WNT11: variants seen among roughly 807,000 people sequenced by gnomAD.
The protein encoded by WNT11 is Wnt family member 11.
Under a neutral mutation model 35.6 loss-of-function variants are expected in WNT11, and 20 were observed. The ratio of observed to expected loss-of-function variants is 0.56; its 90% confidence interval spans 0.40 to 0.82. The LOEUF (loss-of-function observed/expected upper bound fraction) is 0.82. WNT11 is among the 40% of genes least tolerant of loss of function. The probability of loss-of-function intolerance (pLI) is 0.00; values close to 1 mark genes in which losing one functional copy is unlikely to be tolerated. For synonymous variants in WNT11, 200 were observed against 211.9 expected (o/e 0.94, Z 0.49); for missense variants, 459 against 504.4 (o/e 0.91, Z 0.86).
Position 76,194,910 on chromosome 11 carries a change from T to C in WNT11, c.320-66A>G. 7.0e-7 allele frequency: 1 copy of C among 1,432,824 alleles called. No individual in the cohort carries two copies. Among genetic ancestry groups the C allele is most frequent in the East Asian group, 2.5e-5 (1 of 39,914 alleles). 88.8% of individuals were successfully genotyped at this position (1,432,824 alleles called of 1,614,324 possible). On this transcript the variant is annotated intron_variant, in intron 2 of 4. Transcript: ENST00000322563. The surrounding 1 kb of genome is among the most constrained non-coding windows in gnomAD (Gnocchi z 5.4). The stretch of plus-strand genomic sequence containing the variant: ...GCTAGGACCCTGCCCAGGTCAGAGG[T>C]CCTCCACCTTCGCCCACACCCTGCT...
chr11:76,190,006 G>A (rs1419122120), intron 4 of WNT11, among the ~76,000 whole-genome samples: 1 of 152,058 alleles, frequency 6.6e-6, no homozygotes, highest in African/African-American at 2.4e-5. Flanking sequence ...TCCTCATGAG[G>A]AGTGAGGGGC....
intron 1 of WNT11, among the ~76,000 whole-genome samples, chr11:76,202,808 G>C (rs1248820331): frequency 1.3e-5 from 2 of 152,200 alleles, no homozygotes; most frequent in African/African-American, 4.8e-5. Flanking sequence ...CCAGAGTGAA[G>C]AGGGACTAGT....
At chr11:76,192,036 G>C (rs12419707) in intron 3 of WNT11, among the ~76,000 whole-genome samples, 180 bp from the exon 4 acceptor site, 34,392 of 152,076 alleles carry the variant, frequency 0.23, 4,365 homozygotes, top group Admixed American at 0.32. Context: ...CTGCAACCGT[G>C]GGGGGCACAG....
At chr11:76,201,364 G>C (rs1484677228) in intron 1 of WNT11, among the ~76,000 whole-genome samples, 2 of 152,244 alleles carry the variant, frequency 1.3e-5, no homozygotes, top group African/African-American at 4.8e-5. Flanking sequence ...CCACTCCCGA[G>C]GAGGGCCATG....
intron 1 of WNT11, among the ~76,000 whole-genome samples, chr11:76,197,325 T>A (rs1015011878): frequency 1.3e-5 from 2 of 152,262 alleles, no homozygotes; most frequent in East Asian, 3.8e-4. Context: ...AGTTTTGTGA[T>A]GACCTGGAAC....
chr11:76,206,578 G>C (rs1953479212), upstream of WNT11: 14 of 1,196,128 alleles, frequency 1.2e-5, no homozygotes, highest in Non-Finnish European at 1.5e-5. Context: ...TACAAAGGAG[G>C]GGTCGGGGCC....
upstream of WNT11, chr11:76,210,353 G>A (rs1953548280): frequency 2.3e-6 from 2 of 870,112 alleles, no homozygotes; most frequent in African/African-American, 1.8e-5. Flanking sequence ...TTACCCGGGA[G>A]TGGGTGCCCA....
chr11:76,208,593 G>A (rs533653393), upstream of WNT11, among the ~76,000 whole-genome samples: 132 of 152,302 alleles, frequency 8.7e-4, 1 homozygote, highest in African/African-American at 3.0e-3. Context: ...GAAGGCACCC[G>A]GCATTCCTGG....
chr11:76,199,958 A>G (rs1318508764), intron 1 of WNT11, among the ~76,000 whole-genome samples: 2 of 152,162 alleles, frequency 1.3e-5, no homozygotes, highest in South Asian at 2.1e-4. Flanking sequence ...CTGGGCATCA[A>G]CTACAACGTG....
chr11:76,196,726 C>A lies in WNT11; in HGVS notation c.84-8G>T, dbSNP rs1305083550. ...GGTGTCTTGGACAGCGCCCTGCACA[C>A]CATGGAAAGGCCATGACCGATGGAA... On this transcript the variant is annotated splice_polypyrimidine_tract_variant and splice_region_variant and intron_variant, in intron 1 of 4. Coordinates refer to ENST00000322563, the MANE Select transcript of WNT11 (RefSeq NM_004626.3). The A allele has an allele frequency of 1.9e-6, 3 of 1,590,880 alleles. No individual in the cohort carries two copies. Among genetic ancestry groups the A allele is most frequent in the Non-Finnish European group, 1.7e-6 (2 of 1,167,622 alleles).
intron 3 of WNT11, among the ~76,000 whole-genome samples, chr11:76,192,690 A>C (rs969356404): frequency 6.6e-6 from 1 of 151,988 alleles, no homozygotes; most frequent in Non-Finnish European, 1.5e-5. Context: ...GCTTGGGGAG[A>C]CTCTTGCCCT....
intron 1 of WNT11, among the ~76,000 whole-genome samples, chr11:76,198,920 G>A (rs2134589934): frequency 6.6e-6 from 1 of 152,274 alleles, no homozygotes; most frequent in African/African-American, 2.4e-5. Context: ...GATCATCTGA[G>A]GTCAGGAGTT....
In WNT11 at chr11:76,186,575, C is replaced by A; in HGVS notation, c.*490G>T. ...TGTTTTATAAATATTTCTGTAGCTTCCACATCCCAAAGGAAGAAAAAGCAA... is the reference window on the plus strand; with the variant it reads ...TGTTTTATAAATATTTCTGTAGCTTACACATCCCAAAGGAAGAAAAAGCAA... On this transcript the variant is annotated 3_prime_UTR_variant, in exon 5 of 5. Coordinates refer to ENST00000322563, the MANE Select transcript of WNT11 (RefSeq NM_004626.3). The A allele has an allele frequency of 5.5e-6, 1 of 180,650 alleles. No individual in the cohort carries two copies. The highest frequency in any genetic ancestry group is 1.3e-4 in the South Asian group (1 of 7,960). 11.2% of individuals were successfully genotyped at this position (180,650 alleles called of 1,614,324 possible). A position where few individuals can be genotyped will look rare whatever the true frequency, so the allele number is the denominator to read the frequency against.
chr11:76,210,751 G>A (rs1953561954), upstream of WNT11: 1 of 876,882 alleles, frequency 1.1e-6, no homozygotes. Context: ...TCCTCGCCTG[G>A]CGCGATCTCC....
intron 1 of WNT11, among the ~76,000 whole-genome samples, chr11:76,202,890 C>T (rs1188234213): frequency 2.0e-5 from 3 of 152,218 alleles, no homozygotes; most frequent in Non-Finnish European, 2.9e-5. Flanking sequence ...CAGATCCAGT[C>T]CTGCCTGGAA....
At chr11:76,187,300 A>G (rs1953112636) in intron 4 of WNT11, 61 bp from the exon 5 acceptor site, 1 of 1,527,692 alleles carries the variant, frequency 6.5e-7, no homozygotes, top group African/African-American at 1.4e-5. Flanking sequence ...CCAACACCCC[A>G]TGACTCCCAG....
intron 1 of WNT11, among the ~76,000 whole-genome samples, chr11:76,204,616 T>C (rs895842186): frequency 6.6e-6 from 1 of 152,224 alleles, no homozygotes; most frequent in Non-Finnish European, 1.5e-5. Flanking sequence ...TATTTCTATA[T>C]GTCCATCTCC....
rs372519085 is a variant in WNT11, at chr11:76,196,580, G to A, written c.222C>T (p.Arg74=). 45 of 1,613,502 alleles carry A rather than the reference G, an allele frequency of 2.8e-5. No homozygotes were observed. In the Admixed American group the frequency reaches 3.2e-4, roughly 11 times the overall value. ...CCCGGCGACAGGCCTTCATGACCTC[G>A]CGGGCGGCGTGCACCACCGTGTGCA... is the stretch of plus-strand genomic sequence containing the variant. ...ELMHTVVHAA[R]EVMKACRRAF... The change falls in exon 2 of 5, where the codon CGC becomes CGT. Residue 74 remains arginine (R), a synonymous_variant. Transcript: ENST00000322563.
rs764133378 is a variant in WNT11 at position 76,187,079 on chromosome 11, A to G, written c.1051T>C (p.Tyr351His). Residue 351 changes from tyrosine to histidine, a missense_variant, in exon 5 of 5, where the codon TAT becomes CAT. By Grantham distance (83) the Tyr-to-His change is moderately conservative. Transcript: ENST00000322563. ...CRRCERTVER[Y>H]VCK ...AGGGCAGGGCCTCACTTGCAGACAT[A>G]GCGCTCCACGGTACGCTCACACCTG... 12 of 1,610,888 alleles carry G rather than the reference A, an allele frequency of 7.4e-6. No homozygotes were observed. In the African/African-American group the frequency reaches 1.3e-4, roughly 18 times the overall value.
Sources: allele counts gnomAD v4.1 joint callset (sites outside exome capture counted in the v4.1 genomes callset), GRCh38; gene constraint gnomAD v4.1.1; non-coding constraint Gnocchi (gnomAD v3.1); transcripts MANE v1.5; gene names NCBI Gene and HGNC (gene_info 2026-07-23, HGNC 2026-07-21).